CAPRIN2: variants seen among roughly 807,000 people sequenced by gnomAD.
CAPRIN2 encodes the protein caprin family member 2, also known as caprin-2.
Under a neutral mutation model 130.4 loss-of-function variants are expected in CAPRIN2, and 66 were observed. That is an observed-to-expected ratio of 0.51 (90% CI 0.42 to 0.62). CAPRIN2 has a LOEUF of 0.62. Among genes scored for constraint, CAPRIN2 ranks in the 20% least tolerant of loss-of-function variants. The pLI, the probability that CAPRIN2 is intolerant of heterozygous loss-of-function variation, is 0.00. For missense variants in CAPRIN2, 1,185 were observed against 1,246.6 expected (o/e 0.95, Z 0.74); for synonymous variants, 471 against 444.1 (o/e 1.06, Z -0.76).
Position 30,710,123 on chromosome 12 carries a change from C to A in CAPRIN2, c.3013G>T (p.Ala1005Ser). Reference sequence around the variant, plus strand: ...TTGACATACAGTGGCACATTCACTGCCAGCTTTAGCATGTGAAAAATGAAA... The same window carrying A: ...TTGACATACAGTGGCACATTCACTGACAGCTTTAGCATGTGAAAAATGAAA... The change falls in exon 17 of 17, where the codon GCA becomes TCA. Residue 1005 changes from alanine (A) to serine (S), a missense_variant. Around this residue, in one of 2 missense-constraint regions of CAPRIN2, gnomAD observed 81 missense variants for 142.2 expected, o/e 0.57. Transcript: ENST00000298892. The surrounding 1 kb of genome is among the most constrained non-coding windows in gnomAD (Gnocchi z 4.8). 6.2e-7 allele frequency: 1 copy of A among 1,614,116 alleles called. No individual in the cohort carries two copies. Among genetic ancestry groups the A allele is most frequent in the Non-Finnish European group, 8.5e-7 (1 of 1,180,028 alleles).
rs2073608568 is a variant in CAPRIN2 at position 30,751,146 on chromosome 12, A to T, written c.421-13T>A. 6.2e-7 allele frequency: 1 copy of T among 1,605,858 alleles called. No individual in the cohort carries two copies. Among genetic ancestry groups the T allele is most frequent in the Admixed American group, 1.7e-5 (1 of 60,016 alleles). On this transcript the variant is annotated splice_polypyrimidine_tract_variant and intron_variant, in intron 1 of 16. Coordinates refer to ENST00000298892, the Ensembl canonical transcript of CAPRIN2. ...CCTCCAGTTTGAGCTACAAAAGAGA[A>T]ACTTGTATCTACCATAGTCTGACAT...
chr12:30,723,267 G>C (rs2059929728), exon 11 of CAPRIN2: 4 of 1,609,610 alleles, frequency 2.5e-6, no homozygotes, highest in African/African-American at 1.3e-5. Context: ...ACCTGTAACG[G>C]CTCTTGAAGA....
chr12:30,730,277 G>T (rs1484565959), exon 7 of CAPRIN2: 1 of 1,607,058 alleles, frequency 6.2e-7, no homozygotes, highest in East Asian at 2.2e-5. Flanking sequence ...AATTCCATTA[G>T]AGACTCTGGG....
At chr12:30,722,905 A>G (rs2059824156) in intron 11 of CAPRIN2, among the ~76,000 whole-genome samples, 1 of 152,214 alleles carries the variant, frequency 6.6e-6, no homozygotes. Context: ...CTCTGTCTCA[A>G]TAAAACAACA....
At chr12:30,753,661 G>A (rs2075050153) in exon 1 of CAPRIN2, 1 of 1,614,170 alleles carries the variant, frequency 6.2e-7, no homozygotes, top group East Asian at 2.2e-5. Flanking sequence ...GAGGGACACA[G>A]CCAGGCAATA....
intron 3 of CAPRIN2, among the ~76,000 whole-genome samples, chr12:30,738,571 C>T (rs894292053): frequency 1.3e-5 from 2 of 152,130 alleles, no homozygotes; most frequent in Non-Finnish European, 2.9e-5. Flanking sequence ...TCTAATTAAA[C>T]TTAAGGGCTT....
chr12:30,754,710 C>A, upstream of CAPRIN2: 1 of 153,422 alleles, frequency 6.5e-6, no homozygotes, highest in South Asian at 1.8e-4. Context: ...CAGCCGCCTC[C>A]CTCCGCCGCG....
At chr12:30,752,908 C>T (rs2074676317) in intron 1 of CAPRIN2, among the ~76,000 whole-genome samples, 1 of 152,186 alleles carries the variant, frequency 6.6e-6, no homozygotes, top group African/African-American at 2.4e-5. Flanking sequence ...TCACCTAACA[C>T]CACAAAAGTA....
rs549258957 is a variant in CAPRIN2, at chr12:30,715,435, T to C, written c.2318-294A>G. 828 of 492,820 alleles carry C rather than the reference T, an allele frequency of 1.7e-3. 8 individuals carry two copies. The highest frequency in any genetic ancestry group is 4.2e-3 in the South Asian group (270 of 64,766). The allele number at this position is 492,820 out of a possible 1,614,324, so 30.5% of individuals were successfully genotyped here. A position where few individuals can be genotyped will look rare whatever the true frequency, so the allele number is the denominator to read the frequency against. On this transcript the variant is annotated intron_variant, in intron 13 of 16. Coordinates refer to ENST00000298892, the Ensembl canonical transcript of CAPRIN2. ...TAGTTTCAAAAGCACAAATATTGTATACCACTTATATGAGGTACCTAGAGC... is the reference window on the plus strand; with the variant it reads ...TAGTTTCAAAAGCACAAATATTGTACACCACTTATATGAGGTACCTAGAGC...
chr12:30,740,211 G>A (rs1451070499), intron 3 of CAPRIN2, among the ~76,000 whole-genome samples: 2 of 152,110 alleles, frequency 1.3e-5, no homozygotes, highest in East Asian at 3.9e-4. Flanking sequence ...TAAGCCTCCA[G>A]AGAATTATGA....
At chr12:30,714,417 C>T (rs1488114455) in intron 14 of CAPRIN2, among the ~76,000 whole-genome samples, 2 of 152,158 alleles carry the variant, frequency 1.3e-5, no homozygotes, top group African/African-American at 4.8e-5. Context: ...CTCCTGGCCT[C>T]AATGATCCTC....
rs199894738 is a variant in CAPRIN2, at chr12:30,720,796, C to T, written c.2148+15G>A. On this transcript the variant is annotated intron_variant, in intron 12 of 16. Coordinates refer to ENST00000298892, the Ensembl canonical transcript of CAPRIN2. Reference sequence around the variant, plus strand: ...CTTTAAGATACAAAAGAAATTAAGACAATTGGTCTTTTACCTCAGGAGTCT... The same window carrying T: ...CTTTAAGATACAAAAGAAATTAAGATAATTGGTCTTTTACCTCAGGAGTCT... 33 of 1,448,024 alleles carry T rather than the reference C, an allele frequency of 2.3e-5. No homozygotes were observed. In the Admixed American group the frequency reaches 3.6e-4, roughly 16 times the overall value. 89.7% of individuals were successfully genotyped at this position (1,448,024 alleles called of 1,614,324 possible).
intron 2 of CAPRIN2, among the ~76,000 whole-genome samples, chr12:30,744,052 C>T (rs889532189): frequency 6.6e-6 from 1 of 152,142 alleles, no homozygotes; most frequent in African/African-American, 2.4e-5. Context: ...AGTGGTCCCA[C>T]GTTTAATAAA....
intron 12 of CAPRIN2, chr12:30,719,485 A>G (rs1222573205): frequency 2.5e-6 from 1 of 405,268 alleles, no homozygotes; most frequent in Non-Finnish European, 4.4e-6. Context: ...TGAACTTTTT[A>G]TACGCACCTA....
chr12:30,726,062 T>C lies in CAPRIN2; in HGVS notation c.1809A>G (p.Val603=), dbSNP rs1267061407. 13 of 1,584,916 alleles carry C rather than the reference T, an allele frequency of 8.2e-6. No homozygotes were observed. In the Middle Eastern group the frequency reaches 1.0e-3, roughly 123 times the overall value. The change falls in exon 9 of 17, where the codon GTA becomes GTG. Residue 603 remains valine, a synonymous_variant. Coordinates refer to ENST00000298892, the Ensembl canonical transcript of CAPRIN2. The stretch of plus-strand genomic sequence containing the variant: ...CCTTCGGAAGGGTAGAGGAAGAACC[T>C]ACAGGCTGATGCACAGGCTTAGGCA...
intron 12 of CAPRIN2, chr12:30,719,583 A>C (rs2058736885): frequency 1.2e-5 from 2 of 170,936 alleles, no homozygotes; most frequent in Middle Eastern, 5.3e-3. Context: ...TTAAGAAAAA[A>C]CTTGGATTAG....
rs2060679020 is a variant in CAPRIN2 at position 30,725,621 on chromosome 12, G to A, written c.1905+345C>T. ...AATGAATGTCTCATTTTCTGTATCT[G>A]TACTACAATGGTATCTAACAATATC... On this transcript the variant is annotated intron_variant, in intron 9 of 16. Transcript: ENST00000298892. Among the ~76,000 whole-genome samples the A allele has an allele frequency of 2.0e-5, 3 of 152,246 alleles. No homozygotes were observed. In the South Asian group the frequency reaches 6.2e-4, roughly 32 times the overall value.
At chr12:30,715,194 A>C (rs1483754661) in intron 13 of CAPRIN2, 53 bp from the exon 16 acceptor site, 41 of 1,467,766 alleles carry the variant, frequency 2.8e-5, no homozygotes, top group Non-Finnish European at 3.8e-5. Flanking sequence ...AATAGTCTTT[A>C]TACTTAAAAG....
chr12:30,714,168 C>A (rs1310946523), intron 14 of CAPRIN2, among the ~76,000 whole-genome samples: 1 of 151,996 alleles, frequency 6.6e-6, no homozygotes, highest in Admixed American at 6.6e-5. Flanking sequence ...GGGCCTCTGT[C>A]TAGGGTTGTT....
Sources: allele counts gnomAD v4.1 joint callset (sites outside exome capture counted in the v4.1 genomes callset), GRCh38; gene constraint gnomAD v4.1.1; regional missense constraint gnomAD v4.1.1; non-coding constraint Gnocchi (gnomAD v3.1); transcripts MANE v1.5; gene names NCBI Gene and HGNC (gene_info 2026-07-23, HGNC 2026-07-21).